NT5DC4: variants seen among roughly 807,000 people sequenced by gnomAD.
The protein encoded by NT5DC4 is 5'-nucleotidase domain-containing protein 4.
In NT5DC4, 44 loss-of-function variants were observed where a neutral mutation model predicts 26.6. The ratio of observed to expected loss-of-function variants is 1.65; its 90% CI spans 1.30 to 2.13. The LOEUF (loss-of-function observed/expected upper bound fraction) is 2.13, where lower values mean the gene tolerates loss of function less well. NT5DC4 is among the 30% of genes most tolerant of loss of function. NT5DC4 has a pLI of 0.00. For missense variants in NT5DC4, 399 were observed against 228.1 expected, an observed-to-expected ratio of 1.75 and a Z score of -4.83; for synonymous variants, 157 against 86.7, an observed-to-expected ratio of 1.81 and a Z score of -4.51.
Position 112,723,944 on chromosome 2 carries a change from A to G in NT5DC4, c.756+142A>G, listed in dbSNP as rs72950353. 1,714 of 692,776 alleles carry G rather than the reference A, an allele frequency of 2.5e-3. 23 individuals carry two copies. The African/African-American group carries it at 0.027, about 11-fold the overall frequency. The allele number at this position is 692,776 out of a possible 1,614,324, so 42.9% of individuals were successfully genotyped here. A position where few individuals can be genotyped will look rare whatever the true frequency, so the allele number is the denominator to read the frequency against. The stretch of plus-strand genomic sequence containing the variant: ...CCACTGGGCTGGTCTCCTGGACTCC[A>G]TTTCTTGGCCTTTCAAGGCCTCAGA... On this transcript the variant is annotated intron_variant, in intron 9 of 16. Transcript: ENST00000688554.
chr2:112,738,007 G>A (rs1489713672), intron 16 of NT5DC4: 4 of 152,044 alleles, frequency 2.6e-5, no homozygotes, highest in African/African-American at 4.8e-5. Context: ...ACAAATAGTT[G>A]CCCAGGAGGA....
chr2:112,721,491 C>T, intron 1 of NT5DC4: 1 of 717,932 alleles, frequency 1.4e-6, no homozygotes, highest in Non-Finnish European at 2.6e-6. Flanking sequence ...ACAACCCTCA[C>T]ACCAACAACT....
Position 112,730,483 on chromosome 2 carries a change from C to G in NT5DC4, c.1344+779C>G, listed in dbSNP as rs544275613. ...GGATGTGCCCTCTTCCACATTGAGG[C>G]TTCCTCCCCAGACAGGCTTTGTTAA... On this transcript the variant is annotated intron_variant, in intron 16 of 16. Transcript: ENST00000688554. Among the ~76,000 whole-genome samples the G allele has an allele frequency of 2.1e-3, 317 of 152,272 alleles. 3 individuals carry two copies. The highest frequency in any genetic ancestry group is 5.9e-4 in the Non-Finnish European group (40 of 68,032).
chr2:112,719,930 CTT>C (rs1450152681), upstream of NT5DC4, among the ~76,000 whole-genome samples: 1,418 of 47,122 alleles, frequency 0.03, 45 homozygotes, highest in East Asian at 0.12. Context: ...CTTTCTCTTT[CTT>C]TCTTTCTTTC....
intron 15 of NT5DC4, 107 bp downstream of exon 15, chr2:112,726,845 T>TA (rs1677807504): frequency 4.3e-6 from 3 of 702,444 alleles, no homozygotes; most frequent in African/African-American, 1.8e-5. Flanking sequence ...AAGGCCCAGT[T>TA]ACCCCATTCT....
At position 112,725,199 on chromosome 2, in the gene NT5DC4, C is replaced by A. The variant is rs770424863; in HGVS notation, c.941C>A (p.Thr314Asn). 81 of 716,116 alleles carry A rather than the reference C, an allele frequency of 1.1e-4. No individual in the cohort carries two copies. Among genetic ancestry groups the A allele is most frequent in the Non-Finnish European group, 1.7e-4 (66 of 384,210 alleles). The allele number at this position is 716,116 out of a possible 1,614,324, so 44.4% of individuals were successfully genotyped here. The change falls in exon 12 of 17, where the codon ACC becomes AAC. Residue 314 changes from threonine to asparagine, a missense_variant. Transcript: ENST00000688554. ...AEDSGKLHVGTYTGPHQHCAV... is the reference protein window; with the variant it reads ...AEDSGKLHVGNYTGPHQHCAV... ...GACTCAGGAAAGCTCCACGTGGGCACCTACACAGGGCCCCACCAGCACTGT... is the reference window on the plus strand; with the variant it reads ...GACTCAGGAAAGCTCCACGTGGGCAACTACACAGGGCCCCACCAGCACTGT...
intron 6 of NT5DC4, 73 bp downstream of exon 6, chr2:112,722,844 G>A: frequency 1.4e-6 from 1 of 715,206 alleles, no homozygotes; most frequent in Non-Finnish European, 2.6e-6. Context: ...CCAAAGAGGG[G>A]CCCCCCAAGG....
In NT5DC4 at chr2:112,722,297, G is replaced by T. The variant is rs192284236; in HGVS notation, c.362+19G>T. On this transcript the variant is annotated intron_variant, in intron 4 of 16. Transcript: ENST00000688554. ...TCTCGGAGTAAGGGACAAAGGTGCC[G>T]GGAGAGTGGCAGGCCAGGAGGGGAG... The T allele has an allele frequency of 2.8e-6, 2 of 716,876 alleles. No individual in the cohort carries two copies. Among genetic ancestry groups the T allele is most frequent in the African/African-American group, 1.7e-5 (1 of 57,258 alleles). The allele number at this position is 716,876 out of a possible 1,614,324, so 44.4% of individuals were successfully genotyped here. A position where few individuals can be genotyped will look rare whatever the true frequency, so the allele number is the denominator to read the frequency against.
chr2:112,741,940 G>GTTT (rs57634251), downstream of NT5DC4, among the ~76,000 whole-genome samples: 9 of 71,906 alleles, frequency 1.3e-4, no homozygotes, highest in African/African-American at 3.3e-4. Flanking sequence ...TTTCTTTTCT[G>GTTT]TTTTTTTTTT....
At chr2:112,734,169 A>ATGTGTGTGTGTGTGTGTGTG (rs59851361) in intron 16 of NT5DC4, among the ~76,000 whole-genome samples, 41 of 134,864 alleles carry the variant, frequency 3.0e-4, no homozygotes, top group African/African-American at 1.1e-3. Flanking sequence ...TATTATATAT[A>ATGTGTGTGTGTGTGTGTGTG]TGTGTGTGTG....
upstream of NT5DC4, among the ~76,000 whole-genome samples, chr2:112,719,508 C>T (rs568130459): frequency 6.5e-5 from 5 of 76,504 alleles, no homozygotes; most frequent in East Asian, 4.1e-4. Flanking sequence ...TTTTTTGAGA[C>T]GGAGTCTTGC....
Position 112,721,348 on chromosome 2 carries a change from G to T in NT5DC4, c.74+195G>T. ...GGGAACTGACCACACACACTCCGGC[G>T]GGAGGTCCTCTTCACTTCCTTCCCT... On this transcript the variant is annotated intron_variant, in intron 1 of 16. Coordinates refer to ENST00000688554, the MANE Select transcript of NT5DC4 (RefSeq NM_001393655.1). The T allele has an allele frequency of 4.6e-6, 3 of 654,776 alleles. No homozygotes were observed. The South Asian group carries it at 5.2e-5, about 11-fold the overall frequency. The allele number at this position is 654,776 out of a possible 1,614,324, so 40.6% of individuals were successfully genotyped here.
At chr2:112,726,931 A>G (rs2104754915) in intron 15 of NT5DC4, 193 bp downstream of exon 15, 1 of 622,872 alleles carries the variant, frequency 1.6e-6, no homozygotes. Context: ...GGGCAGCGGT[A>G]CCCTCTTGAA....
At chr2:112,721,211 C>A (rs1676833784) in intron 1 of NT5DC4, among the ~76,000 whole-genome samples, 58 bp downstream of exon 1, 1 of 152,234 alleles carries the variant, frequency 6.6e-6, no homozygotes, top group East Asian at 1.9e-4. Flanking sequence ...ACCCCACACG[C>A]CACAGCAGCA....
chr2:112,728,778 G>C (rs1287321421), intron 15 of NT5DC4, among the ~76,000 whole-genome samples: 1 of 152,178 alleles, frequency 6.6e-6, no homozygotes, highest in African/African-American at 2.4e-5. Flanking sequence ...TCATTGATGA[G>C]GAAGCACAGA....
At chr2:112,726,842 A>G (rs1261600741) in intron 15 of NT5DC4, 104 bp downstream of exon 15, 6 of 705,404 alleles carry the variant, frequency 8.5e-6, no homozygotes, top group Middle Eastern at 2.5e-4. Context: ...CCAAAGGCCC[A>G]GTTACCCCAT....
chr2:112,736,726 A>G (rs1260438124), intron 16 of NT5DC4: 3 of 152,210 alleles, frequency 2.0e-5, no homozygotes, highest in African/African-American at 7.2e-5. Flanking sequence ...CACTTAGCAT[A>G]ATGTTCTCCA....
chr2:112,742,307 C>G, downstream of NT5DC4: 2 of 702,306 alleles, frequency 2.8e-6, no homozygotes, highest in African/African-American at 1.8e-5. Flanking sequence ...TGAAGAGATT[C>G]CTGAGATAGC....
At chr2:112,741,588 A>G (rs2104857382), downstream of NT5DC4, among the ~76,000 whole-genome samples, 1 of 152,364 alleles carries the variant, frequency 6.6e-6, no homozygotes, top group African/African-American at 2.4e-5. Flanking sequence ...AGGGTGCAAC[A>G]AAGGCATGGA....
Sources: allele counts gnomAD v4.1 joint callset (sites outside exome capture counted in the v4.1 genomes callset), GRCh38; gene constraint gnomAD v4.1.1; transcripts MANE v1.5; gene names NCBI Gene and HGNC (gene_info 2026-07-23, HGNC 2026-07-21).